UGP2: variants seen among roughly 807,000 people sequenced by gnomAD.
UGP2 encodes the protein UTP--glucose-1-phosphate uridylyltransferase.
In UGP2, 40 loss-of-function variants were observed where a neutral mutation model predicts 49.0. The observed-to-expected ratio is 0.82, with a 90% CI of 0.63 to 1.06. The LOEUF is 1.06. Ranked by LOEUF, UGP2 falls within the 50% of genes least tolerant of loss-of-function variation. UGP2 has a pLI of 0.00. For synonymous variants in UGP2, 225 were observed against 213.0 expected (o/e 1.06, Z -0.49); for missense variants, 460 against 603.5 (o/e 0.76, Z 2.49).
chr2:63,871,485 C>T (rs895880189), intron 3 of UGP2, among the ~76,000 whole-genome samples: 2 of 152,170 alleles, frequency 1.3e-5, no homozygotes, highest in African/African-American at 4.8e-5. Context: ...GGGGTTTTGC[C>T]GTGTTGGCCA....
intron 3 of UGP2, among the ~76,000 whole-genome samples, chr2:63,869,787 C>T (rs1234815904): frequency 2.0e-5 from 3 of 152,106 alleles, no homozygotes; most frequent in African/African-American, 7.2e-5. Flanking sequence ...TTTGAAAAGA[C>T]CTCTTTACTT....
intron 3 of UGP2, among the ~76,000 whole-genome samples, chr2:63,865,056 C>G (rs1670088226): frequency 1.3e-5 from 2 of 152,206 alleles, no homozygotes; most frequent in Non-Finnish European, 2.9e-5. Context: ...GTCTGAAGTA[C>G]TTTTTTCTGA....
At chr2:63,886,944 A>G (rs529502299) in intron 7 of UGP2, among the ~76,000 whole-genome samples, 4 of 152,222 alleles carry the variant, frequency 2.6e-5, no homozygotes. Context: ...AGAGTTTGGC[A>G]TATGATAGGT....
intron 4 of UGP2, among the ~76,000 whole-genome samples, chr2:63,883,083 A>G (rs1369878651): frequency 6.6e-6 from 1 of 152,206 alleles, no homozygotes; most frequent in Non-Finnish European, 1.5e-5. Context: ...ATCGTACACC[A>G]TAAGCTCTTT....
At chr2:63,867,846 T>A (rs1670282268) in intron 3 of UGP2, among the ~76,000 whole-genome samples, 2 of 152,238 alleles carry the variant, frequency 1.3e-5, no homozygotes, top group Non-Finnish European at 2.9e-5. Context: ...TTCATTGTAT[T>A]AAATAACTCA....
intron 3 of UGP2, among the ~76,000 whole-genome samples, chr2:63,865,893 G>A (rs1040153292): frequency 7.2e-5 from 11 of 152,074 alleles, no homozygotes; most frequent in Non-Finnish European, 1.3e-4. Context: ...CTTGCTTACC[G>A]AAGTCAGTTG....
intron 1 of UGP2, chr2:63,846,134 T>A (rs1671915344): frequency 1.3e-5 from 2 of 152,240 alleles, no homozygotes; most frequent in South Asian, 4.1e-4. Context: ...TCTTCCTTGC[T>A]CCAGGGATTG....
intron 8 of UGP2, chr2:63,888,288 C>G (rs1343192887): frequency 6.6e-6 from 1 of 152,400 alleles, no homozygotes; most frequent in Admixed American, 6.5e-5. Context: ...ACAGTACATC[C>G]TCAGTGTCAT....
chr2:63,881,348 TACACACACACACAC>T (rs34467113), intron 3 of UGP2, among the ~76,000 whole-genome samples: 4 of 145,928 alleles, frequency 2.7e-5, no homozygotes, highest in South Asian at 2.2e-4. Flanking sequence ...ACCTACCCAT[TACACACACACACAC>T]ACACACACAC....
At chr2:63,873,926 T>C (rs1205437434) in intron 3 of UGP2, among the ~76,000 whole-genome samples, 2 of 152,168 alleles carry the variant, frequency 1.3e-5, no homozygotes, top group Middle Eastern at 3.2e-3. Flanking sequence ...GCCACCCTTA[T>C]CTCCTCATTG....
intron 9 of UGP2, 93 bp downstream of exon 9, chr2:63,890,278 TGTTA>T: frequency 1.1e-6 from 1 of 924,420 alleles, no homozygotes; most frequent in Non-Finnish European, 1.6e-6. Context: ...AAGGAATACT[TGTTA>T]GTCTTAGTGC....
At chr2:63,848,889 C>CT (rs1405773938) in intron 1 of UGP2, among the ~76,000 whole-genome samples, 10 of 152,154 alleles carry the variant, frequency 6.6e-5, no homozygotes, top group African/African-American at 2.4e-4. Context: ...CAGTAATTGT[C>CT]TAAGACTCAA....
chr2:63,873,141 C>G (rs902132815), intron 3 of UGP2, among the ~76,000 whole-genome samples: 1 of 152,216 alleles, frequency 6.6e-6, no homozygotes, highest in Non-Finnish European at 1.5e-5. Context: ...GTAGCACAGG[C>G]TGCATACAAC....
At chr2:63,851,421 G>C (rs1334224651) in intron 1 of UGP2, among the ~76,000 whole-genome samples, 2 of 152,294 alleles carry the variant, frequency 1.3e-5, no homozygotes, top group Non-Finnish European at 2.9e-5. Context: ...TCCCAAATCA[G>C]TTGTGGTAGA....
rs1180155740 is a variant in UGP2, at chr2:63,856,513, GA to G, written c.147+81del. On this transcript the variant is annotated intron_variant, in intron 2 of 9. Coordinates refer to ENST00000337130, the MANE Select transcript of UGP2 (RefSeq NM_006759.4). ...ATGCTGAGTTGCTGCCGGTGATGAT[GA>G]TAATCATCACCTCAAATCAGCACAA... The G allele has an allele frequency of 7.0e-6, 10 of 1,423,656 alleles. No homozygotes were observed. In the African/African-American group the frequency reaches 1.3e-4, roughly 19 times the overall value. 88.2% of individuals were successfully genotyped at this position (1,423,656 alleles called of 1,614,324 possible). A position where few individuals can be genotyped will look rare whatever the true frequency, so the allele number is the denominator to read the frequency against.
intron 3 of UGP2, among the ~76,000 whole-genome samples, chr2:63,858,145 T>C (rs1483434502): frequency 2.0e-5 from 3 of 152,190 alleles, no homozygotes; most frequent in African/African-American, 7.2e-5. Flanking sequence ...GCTGAGGTCC[T>C]CTAACAGTCT....
intron 3 of UGP2, among the ~76,000 whole-genome samples, chr2:63,869,922 ATT>A (rs71393337): frequency 3.8e-4 from 51 of 135,464 alleles, no homozygotes; most frequent in African/African-American, 1.1e-3. Flanking sequence ...ATTAAAATTA[ATT>A]TTTTTTTTTT....
chr2:63,849,872 G>T (rs763198056), intron 1 of UGP2, among the ~76,000 whole-genome samples: 1 of 152,138 alleles, frequency 6.6e-6, no homozygotes, highest in Non-Finnish European at 1.5e-5. Context: ...CCTTAAAGCC[G>T]TTCTAAGCAT....
At chr2:63,855,351 A>T in intron 1 of UGP2, 2 of 419,242 alleles carry the variant, frequency 4.8e-6, no homozygotes, top group Non-Finnish European at 9.2e-6. Context: ...CATTTTTAAA[A>T]TAAGATTGAA....
Sources: allele counts gnomAD v4.1 joint callset (sites outside exome capture counted in the v4.1 genomes callset), GRCh38; gene constraint gnomAD v4.1.1; transcripts MANE v1.5; gene names NCBI Gene and HGNC (gene_info 2026-07-23, HGNC 2026-07-21).